ORC3: variants seen among roughly 807,000 people sequenced by gnomAD.
ORC3 encodes origin recognition complex subunit 3.
In ORC3, 78 loss-of-function variants were observed where a neutral mutation model predicts 100.7. The observed-to-expected ratio is 0.77, with a 90% CI of 0.65 to 0.94. The LOEUF (loss-of-function observed/expected upper bound fraction) is 0.94. Ranked by LOEUF, ORC3 falls within the 40% of genes least tolerant of loss-of-function variation. The probability of loss-of-function intolerance (pLI) is 0.00; values close to 1 mark genes in which losing one functional copy is unlikely to be tolerated. For synonymous variants in ORC3, 295 were observed against 289.3 expected (o/e 1.02, Z -0.20); for missense variants, 789 against 823.9 (o/e 0.96, Z 0.52).
chr6:87,600,121 A>G (rs535600915), intron 2 of ORC3, among the ~76,000 whole-genome samples: 1 of 152,124 alleles, frequency 6.6e-6, no homozygotes, highest in Non-Finnish European at 1.5e-5. Flanking sequence ...GTTGCTAAAA[A>G]CTCTGAGTTA....
downstream of ORC3, among the ~76,000 whole-genome samples, chr6:87,668,855 C>T (rs150081620): frequency 0.01 from 1,576 of 152,188 alleles, 33 homozygotes; most frequent in African/African-American, 0.036. Context: ...TGTTGGTGGG[C>T]GCCTGTAATC....
At position 87,610,614 on chromosome 6, in the gene ORC3, C is replaced by T. The variant is rs549625902; in HGVS notation, c.713+1385C>T. Among the ~76,000 whole-genome samples, 17 of 136,312 alleles carry T rather than the reference C, an allele frequency of 1.2e-4. 2 individuals carry two copies. Among genetic ancestry groups the T allele is most frequent in the African/African-American group, 3.9e-4 (13 of 33,488 alleles). 89.4% of individuals were successfully genotyped at this position (136,312 alleles called of 152,430 possible). On this transcript the variant is annotated intron_variant, in intron 7 of 19. Coordinates refer to ENST00000392844, the MANE Select transcript of ORC3 (RefSeq NM_012381.4). ...CAGGTCGGACTGCGGACTGCAGTGG[C>T]GCAATCTCGGCTCACTGCAAGCTCC...
chr6:87,610,159 C>T (rs1014430184), intron 7 of ORC3, among the ~76,000 whole-genome samples: 3 of 152,124 alleles, frequency 2.0e-5, no homozygotes, highest in African/African-American at 4.8e-5. Flanking sequence ...GTTATAGCTA[C>T]ATTTGCCTAA....
chr6:87,646,023 G>C (rs915513082), intron 13 of ORC3, among the ~76,000 whole-genome samples: 2 of 124,786 alleles, frequency 1.6e-5, no homozygotes, highest in African/African-American at 6.5e-5. Context: ...GTCTTGCGCT[G>C]TTGCCCAGGC....
chr6:87,607,759 G>C lies in ORC3; in HGVS notation c.514G>C (p.Val172Leu). 6.2e-7 allele frequency: 1 copy of C among 1,612,332 alleles called. No homozygotes were observed. Among genetic ancestry groups the C allele is most frequent in the South Asian group, 1.1e-5 (1 of 91,036 alleles). ...ATCCAAAGAGGAGGAAAGTGTTCAC[G>C]TCACCCAAAGAAAGACACATTATTC... is the stretch of plus-strand genomic sequence containing the variant. ...IKSKEEESVH[V>L]TQRKTHYSMD... is the part of the protein sequence containing the mutation. Residue 172 changes from valine (V) to leucine (L), a missense_variant, in exon 6 of 20, where the codon GTC (valine) becomes CTC (leucine). By Grantham distance (32) the Val-to-Leu change is conservative. This residue lies in a region of ORC3 where 399 missense variants were observed against 382.0 expected (regional missense o/e 1.04). Coordinates refer to ENST00000392844, the MANE Select transcript of ORC3 (RefSeq NM_012381.4).
rs1213732689 is a variant in ORC3 at position 87,656,914 on chromosome 6, G to C, written c.1525G>C (p.Glu509Gln). 6.2e-7 allele frequency: 1 copy of C among 1,611,570 alleles called. No homozygotes were observed. The highest frequency in any genetic ancestry group is 1.1e-5 in the South Asian group (1 of 90,858). ...AQFQSLDETK[E>Q]EEDASGSQPK... Reference sequence around the variant, plus strand: ...TTTTGTATTAAAAGCAGAAACCAAAGAGGAAGAAGATGCTTCTGGGTCACA... The same window carrying C: ...TTTTGTATTAAAAGCAGAAACCAAACAGGAAGAAGATGCTTCTGGGTCACA... The change falls in exon 15 of 20, where the codon GAG becomes CAG. Residue 509 changes from glutamate (E) to glutamine (Q), a missense_variant. Transcript: ENST00000392844.
rs377473377 is a variant in ORC3, at chr6:87,636,395, G to A, written c.1303-12G>A. ...ACTTTTGGTTCCTCACAAATGTGTT[G>A]TTCCCTTACAGATCAGAGAGTTGTA... is the stretch of plus-strand genomic sequence containing the variant. On this transcript the variant is annotated splice_polypyrimidine_tract_variant and intron_variant, in intron 12 of 19. Transcript: ENST00000392844. 2.5e-6 allele frequency: 4 copies of A among 1,573,396 alleles called. No individual in the cohort carries two copies. In the African/African-American group the frequency reaches 4.0e-5, roughly 16 times the overall value.
the ORC3 span, chr6:87,675,847 G>T: frequency 1.2e-6 from 2 of 1,609,880 alleles, no homozygotes; most frequent in Non-Finnish European, 1.7e-6. Flanking sequence ...AACTTCAAAG[G>T]TGAAATACTT....
the ORC3 span, chr6:87,676,074 A>T: frequency 1.5e-6 from 1 of 645,372 alleles, no homozygotes; most frequent in East Asian, 2.8e-5. Flanking sequence ...AGTGTATCAA[A>T]TAAAAACAGC....
intron 11 of ORC3, among the ~76,000 whole-genome samples, chr6:87,625,497 T>A (rs2128269151): frequency 6.6e-6 from 1 of 152,362 alleles, no homozygotes; most frequent in Admixed American, 6.5e-5. Context: ...ATGTCTTCTT[T>A]TGAGAAGTGT....
At chr6:87,669,728 ATG>A (rs1770791519), downstream of ORC3, among the ~76,000 whole-genome samples, 1 of 152,208 alleles carries the variant, frequency 6.6e-6, no homozygotes, top group Admixed American at 6.5e-5. Flanking sequence ...GCCTCCAACC[ATG>A]TGTTTCATTT....
intron 13 of ORC3, among the ~76,000 whole-genome samples, chr6:87,645,119 A>AG (rs959276773): frequency 1.1e-4 from 17 of 151,994 alleles, no homozygotes; most frequent in African/African-American, 3.6e-4. Flanking sequence ...TAAAAAAAAA[A>AG]GGGGTTTTTT....
chr6:87,658,069 A>G (rs1407873811), intron 16 of ORC3, 51 bp downstream of exon 16: 1 of 962,010 alleles, frequency 1.0e-6, no homozygotes, highest in Non-Finnish European at 1.7e-6. Flanking sequence ...GTTTTTCCAA[A>G]TAACACTGGT....
intron 17 of ORC3, among the ~76,000 whole-genome samples, chr6:87,664,235 A>G (rs1405699949): frequency 6.6e-6 from 1 of 152,058 alleles, no homozygotes; most frequent in Non-Finnish European, 1.5e-5. Flanking sequence ...AAAGCCATGG[A>G]TTTCAAATAG....
chr6:87,602,622 G>A (rs1178650928), intron 3 of ORC3, among the ~76,000 whole-genome samples: 1 of 151,960 alleles, frequency 6.6e-6, no homozygotes, highest in Non-Finnish European at 1.5e-5. Context: ...TATTCCATGT[G>A]ATCCTTCAAG....
intron 16 of ORC3, among the ~76,000 whole-genome samples, chr6:87,660,433 C>G (rs1396933471): frequency 1.3e-5 from 2 of 152,188 alleles, no homozygotes; most frequent in African/African-American, 4.8e-5. Flanking sequence ...TGACATCTGC[C>G]AAAAGGCCCT....
Position 87,590,195 on chromosome 6 carries a change from A to G in ORC3, c.24+3A>G, listed in dbSNP as rs750032137. ...TGGCTACGTCCTCGATGTCTAAGGT[A>G]TGTGGTGGCCGATGCGCACTGTGGC... On this transcript the variant is annotated splice_donor_region_variant and intron_variant, in intron 1 of 19. Coordinates refer to ENST00000392844, the MANE Select transcript of ORC3 (RefSeq NM_012381.4). 1.9e-6 allele frequency: 3 copies of G among 1,613,744 alleles called. No homozygotes were observed. The highest frequency in any genetic ancestry group is 2.2e-5 in the South Asian group (2 of 91,094).
intron 18 of ORC3, among the ~76,000 whole-genome samples, 159 bp downstream of exon 18, chr6:87,665,018 CT>C (rs1321386291): frequency 4.6e-5 from 7 of 152,124 alleles, no homozygotes; most frequent in African/African-American, 1.4e-4. Flanking sequence ...TTAAAAGTTC[CT>C]TAGGAAGTGG....
chr6:87,645,572 G>C (rs1276874866), intron 13 of ORC3, among the ~76,000 whole-genome samples: 1 of 151,882 alleles, frequency 6.6e-6, no homozygotes, highest in Non-Finnish European at 1.5e-5. Flanking sequence ...ACATTTGCAA[G>C]TTTGAGTTCT....
Sources: gnomAD v4.1 joint callset for allele counts (sites outside exome capture counted in the v4.1 genomes callset) on GRCh38, gnomAD v4.1.1 for gene constraint, gnomAD v4.1.1 regional missense constraint, MANE v1.5 for transcripts, NCBI Gene and HGNC (gene_info 2026-07-23, HGNC 2026-07-21) for gene names.